The following VPS13B variants were observed in gnomAD, a reference collection of about 807,000 sequenced individuals.
VPS13B encodes the protein vacuolar protein sorting 13 homolog B.
Under a neutral mutation model 426.4 loss-of-function variants are expected in VPS13B, and 285 were observed. The observed-to-expected ratio is 0.67, with a 90% CI of 0.61 to 0.74. The LOEUF is 0.74. Ranked by LOEUF, VPS13B falls within the 30% of genes least tolerant of loss-of-function variation. The pLI, the probability that VPS13B is intolerant of heterozygous loss-of-function variation, is 0.00. For missense variants in VPS13B, 4,537 were observed against 4,782.6 expected (o/e 0.95, Z 1.51); for synonymous variants, 1,676 against 1,676.4 (o/e 1.00, Z 0.01).
At chr8:99,115,229 T>C (rs1847594325) in intron 6 of VPS13B, among the ~76,000 whole-genome samples, 1 of 152,114 alleles carries the variant, frequency 6.6e-6, no homozygotes, top group South Asian at 2.1e-4. Context: ...CATATGGTTT[T>C]AGGATGTATA....
At chr8:99,326,274 T>C (rs1420868890) in intron 19 of VPS13B, among the ~76,000 whole-genome samples, 1 of 152,094 alleles carries the variant, frequency 6.6e-6, no homozygotes, top group Non-Finnish European at 1.5e-5. Context: ...AAATTTGTGT[T>C]ATTTACATTT....
chr8:99,103,039 A>G lies in VPS13B; in HGVS notation c.499A>G (p.Ile167Val). Residue 167 changes from isoleucine to valine, a missense_variant, in exon 5 of 62, where the codon ATC becomes GTC. Ile to Val is a conservative substitution (Grantham distance 29). Around this residue, in one of 2 missense-constraint regions of VPS13B, gnomAD observed 226 missense variants for 308.3 expected, o/e 0.73. Transcript: ENST00000357162. ...NLILKYVEDDIVLSVNITSAE... is the reference protein window; with the variant it reads ...NLILKYVEDDVVLSVNITSAE... The stretch of plus-strand genomic sequence containing the variant: ...CATACTAAAATATGTTGAAGATGAT[A>G]TCGTCCTTTCCGTCAATATCACTTC... 3 of 1,613,850 alleles carry G rather than the reference A, an allele frequency of 1.9e-6. No individual in the cohort carries two copies. Among genetic ancestry groups the G allele is most frequent in the Non-Finnish European group, 2.5e-6 (3 of 1,179,772 alleles).
At chr8:99,855,615 A>G (rs999408221) in intron 56 of VPS13B, among the ~76,000 whole-genome samples, 7 of 152,228 alleles carry the variant, frequency 4.6e-5, no homozygotes, top group African/African-American at 1.7e-4. Flanking sequence ...CCTTTGTTCT[A>G]TCCTCTTTGT....
At chr8:99,824,058 G>C in intron 51 of VPS13B, 80 bp downstream of exon 51, 1 of 1,524,842 alleles carries the variant, frequency 6.6e-7, no homozygotes, top group Non-Finnish European at 9.0e-7. Context: ...TTAACCTATA[G>C]CAAATGAAAA....
chr8:99,775,749 T>G (rs1362705924), intron 40 of VPS13B, among the ~76,000 whole-genome samples: 2 of 151,960 alleles, frequency 1.3e-5, no homozygotes, highest in Non-Finnish European at 2.9e-5. Flanking sequence ...AATACAAAAA[T>G]TAGCTGGGCA....
At chr8:99,363,853 T>C (rs1046541975) in intron 19 of VPS13B, among the ~76,000 whole-genome samples, 1 of 152,184 alleles carries the variant, frequency 6.6e-6, no homozygotes, top group African/African-American at 2.4e-5. Context: ...TCAGTTCTAA[T>C]AGTTTTTTTG....
intron 39 of VPS13B, among the ~76,000 whole-genome samples, chr8:99,762,399 A>T (rs558875125): frequency 6.6e-6 from 1 of 152,242 alleles, no homozygotes; most frequent in African/African-American, 2.4e-5. Context: ...GCTGGTTGTT[A>T]TGAGTGTCTT....
intron 19 of VPS13B, among the ~76,000 whole-genome samples, chr8:99,353,420 TAGA>T (rs1462163981): frequency 2.6e-5 from 4 of 152,192 alleles, no homozygotes; most frequent in Non-Finnish European, 5.9e-5. Context: ...CATGTAGAGT[TAGA>T]AGAAACCTCA....
intron 5 of VPS13B, among the ~76,000 whole-genome samples, chr8:99,106,447 A>C (rs1483094927): frequency 2.7e-5 from 4 of 150,678 alleles, no homozygotes; most frequent in Admixed American, 6.6e-5. Flanking sequence ...AAAAAAAAAA[A>C]AAAAAAACCC....
intron 58 of VPS13B, among the ~76,000 whole-genome samples, chr8:99,862,241 A>T (rs1425858559): frequency 6.6e-6 from 1 of 152,254 alleles, no homozygotes; most frequent in Non-Finnish European, 1.5e-5. Context: ...CTGCAAGAGG[A>T]CAGCAGCATC....
intron 17 of VPS13B, chr8:99,209,573 T>A (rs2132789731): frequency 3.5e-6 from 1 of 284,248 alleles, no homozygotes; most frequent in South Asian, 3.7e-5. Context: ...ACAATTTTTT[T>A]TTTTTTTTTA....
At chr8:99,240,597 T>C (rs549823389) in intron 17 of VPS13B, among the ~76,000 whole-genome samples, 1 of 152,326 alleles carries the variant, frequency 6.6e-6, no homozygotes, top group Admixed American at 6.5e-5. Flanking sequence ...AAGCATGCAG[T>C]TACAACAATT....
At position 99,190,342 on chromosome 8, in the gene VPS13B, C is replaced by CT. The variant is rs796382654; in HGVS notation, c.2334-2523dup. Among the ~76,000 whole-genome samples the CT allele has an allele frequency of 3.4e-3, 488 of 142,306 alleles. 4 individuals carry two copies. The highest frequency in any genetic ancestry group is 4.1e-3 in the African/African-American group (160 of 39,068). The allele number at this position is 142,306 out of a possible 152,430, so 93.4% of individuals were successfully genotyped here. On this transcript the variant is annotated intron_variant, in intron 16 of 61. Coordinates refer to ENST00000357162, the MANE Select transcript of VPS13B (RefSeq NM_152564.5). ...TTATTTAAAGTGGATATATATGGGT[C>CT]TTTTTTTTTTTAATATAATCGAAGA...
At chr8:99,077,466 G>A (rs1845195832) in intron 3 of VPS13B, among the ~76,000 whole-genome samples, 3 of 151,550 alleles carry the variant, frequency 2.0e-5, no homozygotes, top group Non-Finnish European at 4.4e-5. Context: ...CCCCGTGCCT[G>A]GCCTGCTCTT....
chr8:99,765,130 C>T (rs982273450), intron 39 of VPS13B, among the ~76,000 whole-genome samples: 1 of 152,072 alleles, frequency 6.6e-6, no homozygotes, highest in South Asian at 2.1e-4. Flanking sequence ...CCTGTAATCC[C>T]AGCTACTCGG....
intron 51 of VPS13B, among the ~76,000 whole-genome samples, chr8:99,824,594 CTTTTT>C (rs1258976722): frequency 7.1e-6 from 1 of 140,004 alleles, no homozygotes; most frequent in Non-Finnish European, 1.6e-5. Context: ...GATGTTTTCC[CTTTTT>C]TTTTTTTTAA....
At chr8:99,335,018 A>G (rs1810750693) in intron 19 of VPS13B, among the ~76,000 whole-genome samples, 2 of 152,302 alleles carry the variant, frequency 1.3e-5, no homozygotes, top group Middle Eastern at 3.4e-3. Flanking sequence ...GCTATTGATT[A>G]TTGCCACAAT....
intron 19 of VPS13B, among the ~76,000 whole-genome samples, chr8:99,300,255 T>A (rs1253921661): frequency 6.6e-6 from 1 of 152,226 alleles, no homozygotes; most frequent in African/African-American, 2.4e-5. Context: ...AAATACCACT[T>A]GGGTCACTTT....
chr8:99,800,540 C>T (rs1212787668), intron 43 of VPS13B, among the ~76,000 whole-genome samples: 1 of 151,978 alleles, frequency 6.6e-6, no homozygotes, highest in African/African-American at 2.4e-5. Context: ...ATGCATGAAA[C>T]ATCTTTCTCA....
Sources: allele counts gnomAD v4.1 joint callset (sites outside exome capture counted in the v4.1 genomes callset), GRCh38; gene constraint gnomAD v4.1.1; regional missense constraint gnomAD v4.1.1; transcripts MANE v1.5; gene names NCBI Gene and HGNC (gene_info 2026-07-23, HGNC 2026-07-21).